The following ANO2 variants were observed in gnomAD, a reference collection of about 807,000 sequenced individuals.
The protein encoded by ANO2 is anoctamin-2.
ANO2 carries 101 observed loss-of-function variants against 124.2 expected under a neutral mutation model. That is an observed-to-expected ratio of 0.81 (90% CI 0.69 to 0.96). The LOEUF is 0.96. Ranked by LOEUF, ANO2 falls within the 40% of genes least tolerant of loss-of-function variation. ANO2 has a pLI of 0.00. For synonymous variants in ANO2, 486 were observed against 482.5 expected, an observed-to-expected ratio of 1.01 and a Z score of -0.09; for missense variants, 1,293 against 1,274.5, an observed-to-expected ratio of 1.01 and a Z score of -0.22.
intron 24 of ANO2, chr12:5,564,702 C>T (rs1339692537): frequency 6.6e-6 from 1 of 152,334 alleles, no homozygotes; most frequent in Non-Finnish European, 1.5e-5. Flanking sequence ...AGTGAGGAGA[C>T]TCCTGGGGGT....
At chr12:5,899,416 C>A (rs1218411484) in intron 3 of ANO2, among the ~76,000 whole-genome samples, 1 of 152,140 alleles carries the variant, frequency 6.6e-6, no homozygotes, top group Non-Finnish European at 1.5e-5. Context: ...CTCCGCAGAG[C>A]CAGGGGAATA....
chr12:5,707,291 G>A (rs1374888831), intron 14 of ANO2, among the ~76,000 whole-genome samples: 4 of 152,154 alleles, frequency 2.6e-5, no homozygotes, highest in African/African-American at 9.7e-5. Flanking sequence ...GGCCTCCCCA[G>A]CCATGTGGAA....
intron 14 of ANO2, among the ~76,000 whole-genome samples, chr12:5,716,519 T>C (rs983157748): frequency 1.3e-5 from 2 of 152,180 alleles, no homozygotes; most frequent in African/African-American, 2.4e-5. Context: ...TAGATAAGCA[T>C]GCTGAGATTC....
In ANO2 at chr12:5,868,766, C is replaced by A. The variant is rs145886259; in HGVS notation, c.535-14625G>T. ...GACCCTGCATGCACACCACATGGAA[C>A]CAGTCCTGCCTGAGACCGCAGGTCT... On this transcript the variant is annotated intron_variant, in intron 3 of 24. Transcript: ENST00000682330. 6.6e-5 allele frequency among the ~76,000 whole-genome samples: 10 copies of A among 152,296 alleles called. No individual in the cohort carries two copies. In the East Asian group the frequency reaches 1.9e-3, roughly 29 times the overall value.
intron 16 of ANO2, among the ~76,000 whole-genome samples, chr12:5,634,681 A>G (rs1392035602): frequency 6.6e-6 from 1 of 152,112 alleles, no homozygotes; most frequent in African/African-American, 2.4e-5. Context: ...GAATGTGTGG[A>G]TTTTCTGGGG....
intron 16 of ANO2, among the ~76,000 whole-genome samples, chr12:5,630,057 C>CA (rs1430490756): frequency 6.6e-6 from 1 of 152,218 alleles, no homozygotes; most frequent in African/African-American, 2.4e-5. Context: ...GAATGGACCT[C>CA]AGATAGGCCT....
Position 5,906,347 on chromosome 12 carries a change from TAAAAAA to T in ANO2, c.534+14687_534+14692del, listed in dbSNP as rs751453765. The stretch of plus-strand genomic sequence containing the variant: ...ATATTATCAATATGTCACACATTGT[TAAAAAA>T]AAAAAAAAAAGAAAAAGAAAAAAAG... On this transcript the variant is annotated intron_variant, in intron 3 of 24. Transcript: ENST00000682330. Among the ~76,000 whole-genome samples, 5 of 132,724 alleles carry T rather than the reference TAAAAAA, an allele frequency of 3.8e-5. No individual in the cohort carries two copies. The Admixed American group carries it at 3.8e-4, about 10-fold the overall frequency. 87.1% of individuals were successfully genotyped at this position (132,724 alleles called of 152,430 possible).
intron 14 of ANO2, among the ~76,000 whole-genome samples, chr12:5,659,084 C>T (rs1323723184): frequency 2.0e-5 from 3 of 152,192 alleles, no homozygotes; most frequent in African/African-American, 7.2e-5. Flanking sequence ...CCTGGTCCCA[C>T]TGTCCCCTCA....
At chr12:5,724,915 G>A (rs977920662) in intron 14 of ANO2, among the ~76,000 whole-genome samples, 2 of 152,098 alleles carry the variant, frequency 1.3e-5, no homozygotes, top group African/African-American at 2.4e-5. Context: ...TCAGTGATAT[G>A]TTTCATAGAA....
intron 9 of ANO2, among the ~76,000 whole-genome samples, chr12:5,804,752 A>T (rs532791844): frequency 6.6e-6 from 1 of 152,354 alleles, no homozygotes; most frequent in East Asian, 1.9e-4. Context: ...TATATATTGT[A>T]AATAGTCCAC....
intron 15 of ANO2, among the ~76,000 whole-genome samples, chr12:5,643,667 C>T (rs1232136562): frequency 1.3e-5 from 2 of 152,162 alleles, no homozygotes; most frequent in Non-Finnish European, 2.9e-5. Context: ...CTTATACTCC[C>T]TATAGTAGAG....
intron 20 of ANO2, among the ~76,000 whole-genome samples, chr12:5,579,163 A>G (rs1223343409): frequency 6.6e-6 from 1 of 152,222 alleles, no homozygotes; most frequent in African/African-American, 2.4e-5. Flanking sequence ...TATGGAGAGC[A>G]TTTATAAATG....
intron 13 of ANO2, among the ~76,000 whole-genome samples, chr12:5,735,247 T>C (rs1394921208): frequency 6.6e-6 from 1 of 152,104 alleles, no homozygotes; most frequent in Non-Finnish European, 1.5e-5. Flanking sequence ...GGTTATCTGA[T>C]ACCAAGTCAT....
In ANO2 at chr12:5,578,014, G is replaced by C. The variant is rs1942516172; in HGVS notation, c.2387-7C>G. 6.2e-7 allele frequency: 1 copy of C among 1,613,392 alleles called. No individual in the cohort carries two copies. Among genetic ancestry groups the C allele is most frequent in the South Asian group, 1.1e-5 (1 of 91,024 alleles). On this transcript the variant is annotated splice_polypyrimidine_tract_variant and splice_region_variant and intron_variant, in intron 21 of 24. Coordinates refer to ENST00000682330, the MANE Select transcript of ANO2 (RefSeq NM_001364791.2). ...AGAATGTCAAACCAGATTCCTACAA[G>C]ACAGAAAAGACAGCGTCTGGCTCAC...
chr12:5,613,322 C>T (rs1434039535), intron 17 of ANO2, among the ~76,000 whole-genome samples: 1 of 152,168 alleles, frequency 6.6e-6, no homozygotes, highest in African/African-American at 2.4e-5. Context: ...GTCAAGAACA[C>T]AGCTCTGGTT....
intron 3 of ANO2, among the ~76,000 whole-genome samples, chr12:5,890,621 C>T (rs190680114): frequency 1.2e-4 from 19 of 152,264 alleles, no homozygotes; most frequent in Middle Eastern, 6.8e-3. Flanking sequence ...CAGTTTACAG[C>T]GCAAGTCAGT....
chr12:5,613,938 C>T (rs995337700), intron 17 of ANO2, among the ~76,000 whole-genome samples: 4 of 152,190 alleles, frequency 2.6e-5, no homozygotes, highest in African/African-American at 9.7e-5. Context: ...AGTCTCTCTG[C>T]TTCCATAATT....
rs750579888 is a variant in ANO2, at chr12:5,787,981, T to C, written c.1055+11526A>G. Among the ~76,000 whole-genome samples the C allele has an allele frequency of 7.9e-5, 12 of 152,242 alleles. No individual in the cohort carries two copies. The highest frequency in any genetic ancestry group is 5.2e-4 in the Admixed American group (8 of 15,282). ...GGATTTGTCAGTAAATACTAACTCC[T>C]ATGCTAGCCTTCCCAGCTCCATGGA... On this transcript the variant is annotated intron_variant, in intron 10 of 24. Coordinates refer to ENST00000682330, the MANE Select transcript of ANO2 (RefSeq NM_001364791.2). This position sits in a 1 kb window ranked among gnomAD's most constrained non-coding sequence, Gnocchi z 4.2.
chr12:5,736,341 G>T (rs185059769), intron 13 of ANO2, among the ~76,000 whole-genome samples: 1 of 152,180 alleles, frequency 6.6e-6, no homozygotes, highest in Non-Finnish European at 1.5e-5. Flanking sequence ...CAGGTGGGAG[G>T]ACTAGAGGGT....
Sources: allele counts gnomAD v4.1 joint callset (sites outside exome capture counted in the v4.1 genomes callset), GRCh38; gene constraint gnomAD v4.1.1; non-coding constraint Gnocchi (gnomAD v3.1); transcripts MANE v1.5; gene names NCBI Gene and HGNC (gene_info 2026-07-23, HGNC 2026-07-21).